Variants in TENM4 observed in about 807,000 individuals in gnomAD.
The protein encoded by TENM4 is teneurin transmembrane protein 4.
In TENM4, 82 loss-of-function variants were observed where a neutral mutation model predicts 243.3. The ratio of observed to expected loss-of-function variants is 0.34; its 90% CI spans 0.28 to 0.40. The LOEUF is 0.40. Ranked by LOEUF, TENM4 falls within the 10% of genes least tolerant of loss-of-function variation. The probability of loss-of-function intolerance (pLI) is 1.00; values close to 1 mark genes in which losing one functional copy is unlikely to be tolerated. For synonymous variants in TENM4, 1,412 were observed against 1,456.3 expected, an observed-to-expected ratio of 0.97 and a Z score of 0.69; for missense variants, 3,138 against 3,673.3, an observed-to-expected ratio of 0.85 and a Z score of 3.77.
At chr11:78,760,974 G>T (rs1856417646) in intron 18 of TENM4, among the ~76,000 whole-genome samples, 2 of 152,000 alleles carry the variant, frequency 1.3e-5, no homozygotes, top group Admixed American at 6.6e-5. Context: ...AAATCCACCT[G>T]TTTCTTTCTT....
chr11:79,080,545 G>A (rs1409591625), intron 4 of TENM4, among the ~76,000 whole-genome samples: 1 of 152,192 alleles, frequency 6.6e-6, no homozygotes. Flanking sequence ...GTGTTGACTG[G>A]AATCCACTGG....
intron 3 of TENM4, among the ~76,000 whole-genome samples, chr11:79,151,157 C>T (rs145916820): frequency 6.6e-6 from 1 of 152,164 alleles, no homozygotes; most frequent in Non-Finnish European, 1.5e-5. Flanking sequence ...CATTTTGCTT[C>T]CCTCTGAAGG....
At chr11:79,252,793 G>A (rs1565269673) in intron 2 of TENM4, among the ~76,000 whole-genome samples, 1 of 152,114 alleles carries the variant, frequency 6.6e-6, no homozygotes, top group Non-Finnish European at 1.5e-5. Flanking sequence ...GAGGATGAGA[G>A]ACTCATGGAG....
chr11:78,972,782 C>T (rs959352291), intron 6 of TENM4, among the ~76,000 whole-genome samples: 3 of 152,184 alleles, frequency 2.0e-5, no homozygotes, highest in African/African-American at 7.2e-5. Context: ...CATTTTAGAA[C>T]ATTTCATCAC....
At chr11:78,987,065 G>T (rs1380015877) in intron 6 of TENM4, among the ~76,000 whole-genome samples, 3 of 152,204 alleles carry the variant, frequency 2.0e-5, no homozygotes, top group East Asian at 3.9e-4. Context: ...ATAATAATAA[G>T]AACAGCAGCA....
chr11:79,331,478 G>A (rs1341032502), intron 1 of TENM4, among the ~76,000 whole-genome samples: 1 of 152,174 alleles, frequency 6.6e-6, no homozygotes, highest in Non-Finnish European at 1.5e-5. Flanking sequence ...CTCACAGGGT[G>A]CATTAAGAGG....
chr11:78,754,414 G>A (rs1324406124), intron 19 of TENM4, among the ~76,000 whole-genome samples: 4 of 152,166 alleles, frequency 2.6e-5, no homozygotes, highest in African/African-American at 4.8e-5. Context: ...GCAGGCTCAG[G>A]AAGTGACCAG....
At chr11:79,224,972 GA>G (rs1217677961) in intron 2 of TENM4, among the ~76,000 whole-genome samples, 3 of 151,832 alleles carry the variant, frequency 2.0e-5, no homozygotes, top group Non-Finnish European at 1.5e-5. Flanking sequence ...GGGGAGGGGG[GA>G]AATTAGGACA....
chr11:79,155,885 G>A (rs1862604431), intron 3 of TENM4, among the ~76,000 whole-genome samples: 1 of 151,724 alleles, frequency 6.6e-6, no homozygotes, highest in South Asian at 2.1e-4. Flanking sequence ...GAAGCCTCCT[G>A]ACTGGGTTCC....
intron 18 of TENM4, among the ~76,000 whole-genome samples, chr11:78,761,399 C>T (rs2135966865): frequency 6.6e-6 from 1 of 152,196 alleles, no homozygotes; most frequent in South Asian, 2.1e-4. Context: ...GCCACCACAC[C>T]CAGCTAATTT....
At chr11:79,405,320 G>A (rs1051438727) in intron 1 of TENM4, among the ~76,000 whole-genome samples, 1 of 152,060 alleles carries the variant, frequency 6.6e-6, no homozygotes, top group Non-Finnish European at 1.5e-5. Flanking sequence ...CCAATTTTCA[G>A]TGGGGGAAAC....
chr11:79,274,842 G>A (rs1856025907), intron 2 of TENM4, among the ~76,000 whole-genome samples: 1 of 152,172 alleles, frequency 6.6e-6, no homozygotes, highest in Admixed American at 6.5e-5. Context: ...GCTTTGGCAT[G>A]GGTGCTGGGC....
At chr11:79,302,915 T>G (rs994555414) in intron 1 of TENM4, among the ~76,000 whole-genome samples, 1 of 152,220 alleles carries the variant, frequency 6.6e-6, no homozygotes, top group Non-Finnish European at 1.5e-5. Context: ...TTGGTCATCT[T>G]AGGCCACTAA....
chr11:78,669,049 G>T lies in TENM4; in HGVS notation c.7296C>A (p.Asp2432Glu). 6.2e-7 allele frequency: 1 copy of T among 1,613,968 alleles called. No individual in the cohort carries two copies. The highest frequency in any genetic ancestry group is 8.5e-7 in the Non-Finnish European group (1 of 1,179,892). Reference protein sequence around the residue: ...DVLAGRWTSPDHELWKHLSSS... With the variant: ...DVLAGRWTSPEHELWKHLSSS... ...TACTAAGGTGCTTCCACAGCTCGTG[G>T]TCTGGGCTAGTCCAGCGTCCGGCCA... Residue 2432 changes from aspartate (D) to glutamate (E), a missense_variant, in exon 32 of 34, where the codon GAC (aspartate) becomes GAA (glutamate). Transcript: ENST00000278550. This position sits in a 1 kb window ranked among gnomAD's most constrained non-coding sequence, Gnocchi z 6.4.
rs532194289 is a variant in TENM4, at chr11:79,006,931, C to T, written c.493+57807G>A. ...CATTTAAATTGGTGGACTTCGAGCA[C>T]AGCAGATTGCCCTCCTTCATGTAGG... On this transcript the variant is annotated intron_variant, in intron 6 of 33. Coordinates refer to ENST00000278550, the MANE Select transcript of TENM4 (RefSeq NM_001098816.3). Among the ~76,000 whole-genome samples the T allele has an allele frequency of 5.9e-5, 9 of 152,288 alleles. No individual in the cohort carries two copies. In the South Asian group the frequency reaches 1.9e-3, roughly 32 times the overall value.
Position 78,805,282 on chromosome 11 carries a change from C to CCCCACCACACCCCCCCCCCCCA in TENM4, c.2179+9_2179+10insTGGGGGGGGGGGGTGTGGTGGG. 2.0e-6 allele frequency: 2 copies of CCCCACCACACCCCCCCCCCCCA among 995,564 alleles called. No homozygotes were observed. Among genetic ancestry groups the CCCCACCACACCCCCCCCCCCCA allele is most frequent in the Non-Finnish European group, 2.4e-6 (2 of 823,786 alleles). 61.7% of individuals were successfully genotyped at this position (995,564 alleles called of 1,614,324 possible). ...CCCTCTACCCATGCTTCTTCTCCCC[C>CCCCACCACACCCCCCCCCCCCA]TGCATTTACCGATAGAACAGTCGTG... On this transcript the variant is annotated intron_variant, in intron 15 of 33. Coordinates refer to ENST00000278550, the MANE Select transcript of TENM4 (RefSeq NM_001098816.3).
chr11:79,123,066 G>T (rs899474414), intron 4 of TENM4, among the ~76,000 whole-genome samples: 2 of 152,156 alleles, frequency 1.3e-5, no homozygotes, highest in African/African-American at 4.8e-5. Context: ...AATTTGCAGA[G>T]TGCCTCACTC....
chr11:78,815,997 C>T (rs945933499), intron 12 of TENM4, among the ~76,000 whole-genome samples: 2 of 152,216 alleles, frequency 1.3e-5, no homozygotes, highest in South Asian at 2.1e-4. Flanking sequence ...GCAGATCTAT[C>T]GGTATAGGAT....
At chr11:79,381,303 C>A (rs1298240946) in intron 1 of TENM4, among the ~76,000 whole-genome samples, 1 of 148,908 alleles carries the variant, frequency 6.7e-6, no homozygotes, top group African/African-American at 2.5e-5. Flanking sequence ...GCCAATGATG[C>A]AATTATGTCC....
Sources: allele counts gnomAD v4.1 joint callset (sites outside exome capture counted in the v4.1 genomes callset), GRCh38; gene constraint gnomAD v4.1.1; non-coding constraint Gnocchi (gnomAD v3.1); transcripts MANE v1.5; gene names NCBI Gene and HGNC (gene_info 2026-07-23, HGNC 2026-07-21).